UNC79: variants seen among roughly 807,000 people sequenced by gnomAD.
UNC79 encodes protein unc-79 homolog.
A neutral mutation model predicts 283.1 loss-of-function variants in UNC79; 37 were observed. That is an observed-to-expected ratio of 0.13 (90% CI 0.10 to 0.17). The LOEUF is 0.17. UNC79 is among the 10% of genes least tolerant of loss of function. The pLI is 1.00. For missense variants in UNC79, 2,272 were observed against 3,211.1 expected (o/e 0.71, Z 7.07); for synonymous variants, 1,107 against 1,200.2 (o/e 0.92, Z 1.61).
intron 26 of UNC79, among the ~76,000 whole-genome samples, chr14:93,607,259 T>C (rs2139668137): frequency 6.6e-6 from 1 of 152,302 alleles, no homozygotes; most frequent in Non-Finnish European, 1.5e-5. Context: ...CATGTGAACA[T>C]AGGGTGCTTA....
chr14:93,449,319 G>C (rs773426269), intron 1 of UNC79, among the ~76,000 whole-genome samples: 1 of 152,112 alleles, frequency 6.6e-6, no homozygotes, highest in Non-Finnish European at 1.5e-5. Context: ...TCTAGTCTCT[G>C]GTTTTTAGAT....
At chr14:93,557,492 A>G (rs1847590912) in intron 14 of UNC79, among the ~76,000 whole-genome samples, 1 of 152,190 alleles carries the variant, frequency 6.6e-6, no homozygotes, top group African/African-American at 2.4e-5. Flanking sequence ...TGATTTAACC[A>G]TAGCTGCACA....
chr14:93,642,592 G>C (rs183823766), intron 33 of UNC79, among the ~76,000 whole-genome samples: 67 of 152,252 alleles, frequency 4.4e-4, no homozygotes, highest in Middle Eastern at 3.4e-3. Flanking sequence ...AGGTCATTGA[G>C]TTGCCCATGG....
chr14:93,694,920 C>T (rs1030860494), intron 47 of UNC79, among the ~76,000 whole-genome samples: 2 of 152,150 alleles, frequency 1.3e-5, no homozygotes, highest in Admixed American at 1.3e-4. Flanking sequence ...GGTGCTTTCT[C>T]TAAGACAAAT....
intron 31 of UNC79, among the ~76,000 whole-genome samples, chr14:93,635,890 C>T (rs1406002914): frequency 6.6e-6 from 1 of 152,154 alleles, no homozygotes; most frequent in African/African-American, 2.4e-5. Context: ...CTGCCTACAC[C>T]AAAGAGGACT....
chr14:93,650,104 C>T (rs1167125551), intron 35 of UNC79, among the ~76,000 whole-genome samples: 1 of 152,174 alleles, frequency 6.6e-6, no homozygotes, highest in Non-Finnish European at 1.5e-5. Context: ...TTCTGTTACT[C>T]AGCATGATGT....
intron 14 of UNC79, among the ~76,000 whole-genome samples, chr14:93,560,009 T>G (rs996929090): frequency 7.9e-5 from 12 of 151,940 alleles, no homozygotes; most frequent in Non-Finnish European, 1.6e-4. Context: ...GAGGTCAAGT[T>G]GAAGGAGGAT....
chr14:93,681,209 C>G (rs2073819960), intron 41 of UNC79, among the ~76,000 whole-genome samples: 3 of 151,070 alleles, frequency 2.0e-5, no homozygotes, highest in African/African-American at 7.3e-5. Flanking sequence ...GATCTGTGTC[C>G]ACTCCTGTCA....
intron 9 of UNC79, among the ~76,000 whole-genome samples, 190 bp downstream of exon 9, chr14:93,528,836 A>G (rs1213364674): frequency 2.6e-5 from 4 of 152,232 alleles, no homozygotes; most frequent in Admixed American, 2.0e-4. Context: ...AAAAGTTGCA[A>G]TATTTCTCTT....
rs766962292 is a variant in UNC79, at chr14:93,603,724, C to T, written c.3754+306C>T. 1.9e-4 allele frequency among the ~76,000 whole-genome samples: 29 copies of T among 152,252 alleles called. No homozygotes were observed. In the Middle Eastern group the frequency reaches 0.01, roughly 54 times the overall value. On this transcript the variant is annotated intron_variant, in intron 26 of 48. Transcript: ENST00000555664. ...ACATTTGCTCCTAAGTCCTAGGACA[C>T]CAAAGTTTGCACCACCAGCCTTGTA...
chr14:93,635,725 AG>A (rs1464575781), intron 31 of UNC79, among the ~76,000 whole-genome samples: 1 of 152,186 alleles, frequency 6.6e-6, no homozygotes, highest in East Asian at 1.9e-4. Flanking sequence ...GGACTTTATA[AG>A]GGTTCTTTAC....
At chr14:93,517,528 G>A (rs983451256) in intron 7 of UNC79, among the ~76,000 whole-genome samples, 2 of 151,122 alleles carry the variant, frequency 1.3e-5, no homozygotes, top group African/African-American at 2.4e-5. Flanking sequence ...TTTGCTGAGA[G>A]CTTTAATCAT....
At chr14:93,350,801 C>T (rs2053967483) in intron 1 of UNC79, among the ~76,000 whole-genome samples, 1 of 152,188 alleles carries the variant, frequency 6.6e-6, no homozygotes. Flanking sequence ...CAACTCTCTT[C>T]CTCAGTTTTT....
At chr14:93,653,580 C>T (rs576834491) in intron 35 of UNC79, among the ~76,000 whole-genome samples, 162 bp from the exon 39 acceptor site, 1 of 152,254 alleles carries the variant, frequency 6.6e-6, no homozygotes, top group Non-Finnish European at 1.5e-5. Context: ...TTCTTGTTAA[C>T]AGGGATTAGG....
chr14:93,686,718 A>G, intron 43 of UNC79, 57 bp downstream of exon 46: 1 of 1,593,328 alleles, frequency 6.3e-7, no homozygotes, highest in Non-Finnish European at 8.6e-7. Flanking sequence ...ATGCTTTGAG[A>G]GAATTAAGCA....
intron 1 of UNC79, chr14:93,347,054 A>G: frequency 4.0e-6 from 2 of 496,698 alleles, no homozygotes; most frequent in Non-Finnish European, 7.0e-6. Context: ...TGCTGAGTGG[A>G]AAGGGCAGTA....
At chr14:93,339,090 T>C (rs2053644117) in intron 1 of UNC79, among the ~76,000 whole-genome samples, 1 of 151,194 alleles carries the variant, frequency 6.6e-6, no homozygotes. Context: ...GGAGGTGAGG[T>C]ACTAAATAGA....
At chr14:93,643,383 G>A (rs1395678885) in intron 33 of UNC79, among the ~76,000 whole-genome samples, 174 bp from the exon 37 acceptor site, 1 of 152,180 alleles carries the variant, frequency 6.6e-6, no homozygotes, top group South Asian at 2.1e-4. Context: ...TGCTGTTTCT[G>A]TATCTGTGGT....
At chr14:93,585,200 A>G (rs1280218239) in intron 20 of UNC79, among the ~76,000 whole-genome samples, 2 of 152,014 alleles carry the variant, frequency 1.3e-5, no homozygotes, top group Non-Finnish European at 2.9e-5. Flanking sequence ...TCTTTCTTCC[A>G]AGACCAGGGT....
Sources: allele counts gnomAD v4.1 joint callset (sites outside exome capture counted in the v4.1 genomes callset), GRCh38; gene constraint gnomAD v4.1.1; transcripts MANE v1.5; gene names NCBI Gene and HGNC (gene_info 2026-07-23, HGNC 2026-07-21).